The following FFAR1 variants were observed in gnomAD, a reference collection of about 807,000 sequenced individuals.
FFAR1 encodes G-protein coupled receptor 40.
For missense variants in FFAR1, 424 were observed against 396.2 expected, an observed-to-expected ratio of 1.07 and a Z score of -0.60; for synonymous variants, 216 against 201.5, an observed-to-expected ratio of 1.07 and a Z score of -0.61.
At chr19:35,350,273 A>T (rs1266431923), upstream of FFAR1, among the ~76,000 whole-genome samples, 1 of 152,190 alleles carries the variant, frequency 6.6e-6, no homozygotes, top group South Asian at 2.1e-4. Context: ...GAGGGAGAAC[A>T]GAGGGGCCCT....
exon 1 of FFAR1, chr19:35,352,168 T>G (rs553007692): frequency 6.2e-7 from 1 of 1,608,746 alleles, no homozygotes; most frequent in African/African-American, 1.3e-5. Flanking sequence ...GTGGGCTGCC[T>G]CCGGGCACTG....
chr19:35,352,092 C>T, exon 1 of FFAR1: 1 of 1,612,900 alleles, frequency 6.2e-7, no homozygotes, highest in South Asian at 1.1e-5. Context: ...CTCTGCCGGC[C>T]CGGCCCGCTT....
chr19:35,349,536 G>A (rs186037329), upstream of FFAR1, among the ~76,000 whole-genome samples: 76 of 152,362 alleles, frequency 5.0e-4, no homozygotes, highest in East Asian at 2.1e-3. Flanking sequence ...TGCTGCTCTC[G>A]AGAAAAAGGC....
At chr19:35,350,724 T>TAG (rs1466854591), upstream of FFAR1, among the ~76,000 whole-genome samples, 2 of 152,148 alleles carry the variant, frequency 1.3e-5, no homozygotes, top group African/African-American at 4.8e-5. Context: ...AACCTCAGGC[T>TAG]AATGGCCCTG....
At chr19:35,348,682 A>T (rs2066931725), upstream of FFAR1, among the ~76,000 whole-genome samples, 1 of 152,044 alleles carries the variant, frequency 6.6e-6, no homozygotes, top group Admixed American at 6.6e-5. Context: ...GTGTCATTCA[A>T]CTCTTTCTTC....
At chr19:35,347,936 G>A (rs940066425), upstream of FFAR1, among the ~76,000 whole-genome samples, 17 of 147,820 alleles carry the variant, frequency 1.2e-4, no homozygotes, top group Non-Finnish European at 2.4e-4. Context: ...CTCTGCACCC[G>A]TTCTCTAATT....
At chr19:35,351,550 C>A, upstream of FFAR1, 1 of 1,539,906 alleles carries the variant, frequency 6.5e-7, no homozygotes, top group Non-Finnish European at 8.7e-7. Flanking sequence ...GACGGCGGCC[C>A]CATGGACCTG....
chr19:35,352,634 C>A (rs2066950829), exon 1 of FFAR1: 1 of 662,850 alleles, frequency 1.5e-6, no homozygotes, highest in Non-Finnish European at 2.5e-6. Flanking sequence ...GAGCACCGAG[C>A]CAGAGCACGG....
chr19:35,352,030 T>A, exon 1 of FFAR1: 1 of 1,613,972 alleles, frequency 6.2e-7, no homozygotes, highest in Non-Finnish European at 8.5e-7. Context: ...TCCCTGGGCA[T>A]CAACACACCG....
chr19:35,351,993 G>A, exon 1 of FFAR1: 2 of 1,614,128 alleles, frequency 1.2e-6, no homozygotes, highest in Non-Finnish European at 1.7e-6. Flanking sequence ...GGAGGCTCCA[G>A]GAGGCTGGCT....
At chr19:35,352,607 C>T in exon 1 of FFAR1, 1 of 789,640 alleles carries the variant, frequency 1.3e-6, no homozygotes, top group Non-Finnish European at 2.0e-6. Context: ...CTGAGGGCAG[C>T]ACCCCAGTCA....
At chr19:35,351,607 G>T in exon 1 of FFAR1, 2 of 1,541,776 alleles carry the variant, frequency 1.3e-6, no homozygotes, top group African/African-American at 1.4e-5. Flanking sequence ...TTTGCGCTGG[G>T]CTTCCCGCTC....
upstream of FFAR1, among the ~76,000 whole-genome samples, chr19:35,350,319 A>T (rs930652059): frequency 2.2e-4 from 33 of 152,214 alleles, no homozygotes; most frequent in African/African-American, 7.5e-4. Context: ...CAGCCTGTGC[A>T]GAACCGCACC....
At chr19:35,350,256 G>A (rs1487409730), upstream of FFAR1, among the ~76,000 whole-genome samples, 3 of 152,222 alleles carry the variant, frequency 2.0e-5, no homozygotes, top group South Asian at 6.2e-4. Context: ...GGGCTAGTGC[G>A]GAAGCAGAGG....
At chr19:35,352,491 G>T (rs2066950277) in exon 1 of FFAR1, 1 of 1,535,626 alleles carries the variant, frequency 6.5e-7, no homozygotes, top group African/African-American at 1.4e-5. Flanking sequence ...GGGCAGGAGG[G>T]CCCGGCTGCT....
chr19:35,351,787 G>T (rs1568495750), exon 1 of FFAR1: 2 of 1,589,540 alleles, frequency 1.3e-6, no homozygotes, highest in Non-Finnish European at 1.7e-6. Context: ...GCCTCGCTGT[G>T]CCCCGTCTTC....
At chr19:35,352,764 G>A in exon 1 of FFAR1, 1 of 444,712 alleles carries the variant, frequency 2.2e-6, no homozygotes, top group Non-Finnish European at 4.1e-6. Context: ...GCGAGCAGAG[G>A]CCTTGTACTT....
At chr19:35,351,634 G>T in exon 1 of FFAR1, 1 of 1,545,158 alleles carries the variant, frequency 6.5e-7, no homozygotes. Context: ...CTGGCCATCC[G>T]AGGCGCGACG....
chr19:35,352,213 G>A lies in FFAR1; in HGVS notation c.662G>A (p.Arg221Gln). 4.4e-6 allele frequency: 7 copies of A among 1,584,774 alleles called. No homozygotes were observed. In the Admixed American group the frequency reaches 5.3e-5, roughly 12 times the overall value. Residue 221 changes from arginine to glutamine, a missense_variant, in exon 1 of 1, where the codon CGG (arginine) becomes CAG (glutamine). Coordinates refer to ENST00000246553, the Ensembl canonical transcript of FFAR1. ...GGCCTGACGCACAGGCGGAAGCTGC[G>A]GGCCGCCTGGGTGGCCGGCGGGGCC...
Sources: gnomAD v4.1 joint callset for allele counts (sites outside exome capture counted in the v4.1 genomes callset) on GRCh38, gnomAD v4.1.1 for gene constraint, MANE v1.5 for transcripts, NCBI Gene and HGNC (gene_info 2026-07-23, HGNC 2026-07-21) for gene names.